ZBBX: variants seen among roughly 807,000 people sequenced by gnomAD.
The protein encoded by ZBBX is zinc finger B-box domain containing.
A neutral mutation model predicts 108.5 loss-of-function variants in ZBBX; 101 were observed. The observed-to-expected ratio is 0.93, with a 90% CI of 0.79 to 1.10. ZBBX has a LOEUF of 1.10. Among genes scored for constraint, ZBBX ranks in the 50% least tolerant of loss-of-function variants. The pLI is 0.00. For synonymous variants in ZBBX, 356 were observed against 323.4 expected (o/e 1.10, Z -1.08); for missense variants, 1,009 against 941.4 (o/e 1.07, Z -0.94).
chr3:167,240,871 C>G lies in ZBBX; in HGVS notation c.2442G>C (p.Glu814Asp). The change falls in exon 22 of 22, where the codon GAG becomes GAC. Residue 814 changes from glutamate to aspartate, a missense_variant. By Grantham distance (45) the Glu-to-Asp change is conservative. Transcript: ENST00000675490. Reference sequence around the variant, plus strand: ...CTTCCTCCTCCTCATCTGTACTGCTCTCAGAAAGTGACAGCAAAGACTGAA... The same window carrying G: ...CTTCCTCCTCCTCATCTGTACTGCTGTCAGAAAGTGACAGCAAAGACTGAA... ...TKIQSLLSLS[E>D]SSTDEEEEDF... The G allele has an allele frequency of 1.2e-6, 2 of 1,613,536 alleles. No individual in the cohort carries two copies. The highest frequency in any genetic ancestry group is 8.5e-7 in the Non-Finnish European group (1 of 1,179,572).
rs758478074 is a variant in ZBBX, at chr3:167,333,896, A to C, written c.618T>G (p.Asn206Lys). The C allele has an allele frequency of 6.2e-6, 10 of 1,612,756 alleles. No individual in the cohort carries two copies. The highest frequency in any genetic ancestry group is 3.3e-4 in the Middle Eastern group (2 of 6,074). The change falls in exon 10 of 22, where the codon AAT becomes AAG. Residue 206 changes from asparagine to lysine, a missense_variant. Coordinates refer to ENST00000675490, the MANE Select transcript of ZBBX (RefSeq NM_001199201.2). ...GAATTTTACTGGTTTCCTTTGTAGAATTATTCTCCTCTTTGGGTTCATCTG... is the reference window on the plus strand; with the variant it reads ...GAATTTTACTGGTTTCCTTTGTAGACTTATTCTCCTCTTTGGGTTCATCTG... ...VNPDEPKEEN[N>K]STKETSKIQH...
the ZBBX span, among the ~76,000 whole-genome samples, chr3:167,200,019 G>A: frequency 1.3e-5 from 2 of 152,006 alleles, no homozygotes; most frequent in African/African-American, 2.4e-5. Flanking sequence ...TTGTACCTTG[G>A]TTTACAGATA....
At chr3:167,305,277 T>C (rs1733419542) in intron 17 of ZBBX, among the ~76,000 whole-genome samples, 2 of 152,166 alleles carry the variant, frequency 1.3e-5, no homozygotes, top group Admixed American at 1.3e-4. Context: ...TTATTTCATT[T>C]TGACCATTGA....
At chr3:167,217,102 A>G in the ZBBX span, among the ~76,000 whole-genome samples, 2 of 152,216 alleles carry the variant, frequency 1.3e-5, no homozygotes. Context: ...CAATTGCAAC[A>G]AAAGCAAAAA....
At chr3:167,358,026 T>C (rs1358541395) in intron 8 of ZBBX, among the ~76,000 whole-genome samples, 1 of 151,716 alleles carries the variant, frequency 6.6e-6, no homozygotes, top group Non-Finnish European at 1.5e-5. Context: ...GGGACTGTTG[T>C]TGAGAGGGGA....
chr3:167,199,879 C>T, the ZBBX span, among the ~76,000 whole-genome samples: 17 of 152,108 alleles, frequency 1.1e-4, no homozygotes, highest in African/African-American at 4.1e-4. Flanking sequence ...AACACGAATT[C>T]ATTTTCTCAC....
intron 20 of ZBBX, among the ~76,000 whole-genome samples, chr3:167,257,484 C>T (rs987516755): frequency 5.3e-5 from 8 of 152,068 alleles, no homozygotes; most frequent in African/African-American, 1.9e-4. Context: ...AGAGGGCAAA[C>T]TTTTAGGTTC....
the ZBBX span, among the ~76,000 whole-genome samples, chr3:167,233,490 A>C: frequency 6.6e-6 from 1 of 151,806 alleles, no homozygotes; most frequent in Middle Eastern, 3.4e-3. Flanking sequence ...AAAGAAATAG[A>C]GCCAGTGAGC....
At chr3:167,218,858 C>T in the ZBBX span, among the ~76,000 whole-genome samples, 1 of 151,930 alleles carries the variant, frequency 6.6e-6, no homozygotes, top group African/African-American at 2.4e-5. Flanking sequence ...AACAACAAAA[C>T]TGAATAATCT....
upstream of ZBBX, among the ~76,000 whole-genome samples, chr3:167,384,053 CTG>C (rs760363740): frequency 3.9e-5 from 6 of 152,056 alleles, no homozygotes; most frequent in East Asian, 1.9e-4. Context: ...ACAATGGAAA[CTG>C]TGAAATTTTC....
downstream of ZBBX, among the ~76,000 whole-genome samples, chr3:167,234,905 T>C (rs1056937614): frequency 1.3e-5 from 2 of 151,850 alleles, no homozygotes; most frequent in East Asian, 1.9e-4. Flanking sequence ...CTAGGAGACA[T>C]CCATTTTACT....
chr3:167,193,248 A>C, the ZBBX span, among the ~76,000 whole-genome samples: 1 of 152,186 alleles, frequency 6.6e-6, no homozygotes, highest in Admixed American at 6.5e-5. Context: ...AAACAATCAA[A>C]GTATCACATG....
At chr3:167,238,848 A>G (rs1720338835), downstream of ZBBX, among the ~76,000 whole-genome samples, 2 of 152,112 alleles carry the variant, frequency 1.3e-5, no homozygotes, top group Non-Finnish European at 2.9e-5. Flanking sequence ...CAACTACTCA[A>G]CACCAGCAAA....
intron 3 of ZBBX, 175 bp from the exon 4 acceptor site, chr3:167,373,125 T>G (rs2108600273): frequency 2.4e-6 from 1 of 422,694 alleles, no homozygotes; most frequent in African/African-American, 2.0e-5. Context: ...TTCAGCCACA[T>G]ATCAACCAGA....
chr3:167,393,886 T>G (rs1185411084), intron 1 of ZBBX, among the ~76,000 whole-genome samples: 1 of 151,900 alleles, frequency 6.6e-6, no homozygotes, highest in Non-Finnish European at 1.5e-5. Context: ...ATGTTTCACA[T>G]TTTATATCCA....
intron 20 of ZBBX, among the ~76,000 whole-genome samples, chr3:167,261,008 G>A (rs1724419001): frequency 6.6e-6 from 1 of 152,166 alleles, no homozygotes; most frequent in Non-Finnish European, 1.5e-5. Context: ...AGATTCTTTT[G>A]TCCCACAGGG....
intron 17 of ZBBX, among the ~76,000 whole-genome samples, chr3:167,299,776 T>C (rs1321577705): frequency 6.6e-6 from 1 of 152,178 alleles, no homozygotes; most frequent in Non-Finnish European, 1.5e-5. Context: ...TCTGATGGAA[T>C]GGCTTCTACT....
At chr3:167,193,532 T>C in the ZBBX span, among the ~76,000 whole-genome samples, 14 of 152,120 alleles carry the variant, frequency 9.2e-5, no homozygotes, top group East Asian at 3.9e-4. Context: ...ACAGGAACAA[T>C]TGTAGTTCCC....
chr3:167,273,550 G>A (rs1485335534), intron 20 of ZBBX, among the ~76,000 whole-genome samples: 1 of 152,130 alleles, frequency 6.6e-6, no homozygotes, highest in African/African-American at 2.4e-5. Flanking sequence ...AGAACTTAGT[G>A]TTCCTTGGCA....
Sources: gnomAD v4.1 joint callset for allele counts (sites outside exome capture counted in the v4.1 genomes callset) on GRCh38, gnomAD v4.1.1 for gene constraint, MANE v1.5 for transcripts, NCBI Gene and HGNC (gene_info 2026-07-23, HGNC 2026-07-21) for gene names.